Variants in ENOX1 observed in about 807,000 individuals in gnomAD.
ENOX1 encodes the protein ecto-NOX disulfide-thiol exchanger 1.
ENOX1 carries 42 observed loss-of-function variants against 82.5 expected under a neutral mutation model. The ratio of observed to expected loss-of-function variants is 0.51; its 90% CI spans 0.40 to 0.66. The LOEUF is 0.66. ENOX1 is among the 30% of genes least tolerant of loss of function. ENOX1 has a pLI of 0.00. For missense variants in ENOX1, 608 were observed against 811.6 expected, an observed-to-expected ratio of 0.75 and a Z score of 3.05; for synonymous variants, 271 against 282.2, an observed-to-expected ratio of 0.96 and a Z score of 0.40.
At chr13:43,758,560 A>G (rs1246767880) in intron 1 of ENOX1, among the ~76,000 whole-genome samples, 1 of 152,218 alleles carries the variant, frequency 6.6e-6, no homozygotes, top group East Asian at 1.9e-4. Context: ...CTATGTCAGT[A>G]TCCTGACTGT....
At chr13:43,428,515 TAGTG>T (rs2055461519) in intron 3 of ENOX1, among the ~76,000 whole-genome samples, 1 of 152,206 alleles carries the variant, frequency 6.6e-6, no homozygotes, top group African/African-American at 2.4e-5. Flanking sequence ...TAGAATGCAC[TAGTG>T]AGTGAGGCGG....
intron 3 of ENOX1, chr13:43,459,528 C>T (rs1382693025): frequency 6.6e-6 from 1 of 152,092 alleles, no homozygotes; most frequent in Non-Finnish European, 1.5e-5. Context: ...TCTAACAACA[C>T]TTATTTTTAT....
intron 3 of ENOX1, among the ~76,000 whole-genome samples, chr13:43,479,728 G>A (rs974016247): frequency 6.6e-6 from 1 of 152,138 alleles, no homozygotes. Flanking sequence ...TAGAAAAAGG[G>A]GGCTACACCC....
At chr13:43,688,756 G>A (rs1453123634) in intron 1 of ENOX1, among the ~76,000 whole-genome samples, 3 of 149,406 alleles carry the variant, frequency 2.0e-5, no homozygotes, top group Non-Finnish European at 1.5e-5. Flanking sequence ...AAGGGGCACA[G>A]GAGAAGGAGC....
At chr13:43,674,864 C>T (rs983700601) in intron 1 of ENOX1, among the ~76,000 whole-genome samples, 32 of 152,134 alleles carry the variant, frequency 2.1e-4, no homozygotes, top group African/African-American at 5.8e-4. Flanking sequence ...AATCTCTGTA[C>T]ATTCCACTGA....
At chr13:43,716,972 C>G (rs1296463353) in intron 1 of ENOX1, among the ~76,000 whole-genome samples, 3 of 152,088 alleles carry the variant, frequency 2.0e-5, no homozygotes, top group Non-Finnish European at 2.9e-5. Context: ...CTGCCCAAAG[C>G]AACATACAGA....
intron 1 of ENOX1, among the ~76,000 whole-genome samples, chr13:43,706,839 C>T (rs1387534124): frequency 6.6e-6 from 1 of 151,902 alleles, no homozygotes; most frequent in East Asian, 1.9e-4. Context: ...AGGAAAATAT[C>T]CACTCCTACC....
intron 5 of ENOX1, among the ~76,000 whole-genome samples, chr13:43,410,363 C>T (rs2054047653): frequency 6.6e-6 from 1 of 152,142 alleles, no homozygotes; most frequent in East Asian, 1.9e-4. Flanking sequence ...CTGGGATAAA[C>T]ACATGTTCAA....
chr13:43,236,343 C>A (rs1393535528), intron 15 of ENOX1, among the ~76,000 whole-genome samples: 3 of 152,152 alleles, frequency 2.0e-5, no homozygotes, highest in African/African-American at 7.2e-5. Flanking sequence ...TTGGAAGTGA[C>A]ATGCCCAAGC....
rs539708208 is a variant in ENOX1, at chr13:43,460,769, G to A, written c.-75+23240C>T. Among the ~76,000 whole-genome samples the A allele has an allele frequency of 7.0e-3, 864 of 124,182 alleles. 6 individuals carry two copies. The highest frequency in any genetic ancestry group is 9.9e-3 in the Non-Finnish European group (623 of 63,184). 81.5% of individuals were successfully genotyped at this position (124,182 alleles called of 152,430 possible). ...AGATCGCACCACTGCACTCCAGCCC[G>A]GGCGACAGAGCGAGACTCCATCTCA... is the stretch of plus-strand genomic sequence containing the variant. On this transcript the variant is annotated intron_variant, in intron 3 of 16. Coordinates refer to ENST00000690772, the MANE Select transcript of ENOX1 (RefSeq NM_001347969.2).
At chr13:43,713,926 T>C (rs1371565750) in intron 1 of ENOX1, among the ~76,000 whole-genome samples, 2 of 150,800 alleles carry the variant, frequency 1.3e-5, no homozygotes, top group African/African-American at 4.9e-5. Context: ...AGTTCTGCTC[T>C]GATTTTAGTT....
At chr13:43,318,508 G>C (rs1262384179) in intron 11 of ENOX1, among the ~76,000 whole-genome samples, 1 of 152,226 alleles carries the variant, frequency 6.6e-6, no homozygotes, top group Non-Finnish European at 1.5e-5. Context: ...TGTTCGCCAT[G>C]TGACACTGAA....
chr13:43,511,991 T>C (rs149590868), intron 2 of ENOX1, among the ~76,000 whole-genome samples: 2,075 of 152,248 alleles, frequency 0.014, 40 homozygotes, highest in African/African-American at 0.046. Flanking sequence ...GGACAATATA[T>C]ATAGTATCTA....
intron 1 of ENOX1, among the ~76,000 whole-genome samples, chr13:43,669,473 GC>G (rs2085151805): frequency 6.6e-6 from 1 of 151,890 alleles, no homozygotes; most frequent in Admixed American, 6.6e-5. Context: ...CTTTCAATCT[GC>G]CCATTTTTTC....
At chr13:43,772,840 G>A (rs554053886) in intron 1 of ENOX1, among the ~76,000 whole-genome samples, 1 of 151,814 alleles carries the variant, frequency 6.6e-6, no homozygotes, top group South Asian at 2.1e-4. Flanking sequence ...ATCCTTTATG[G>A]ACTATCTTCA....
At chr13:43,297,939 T>C (rs1326603956) in intron 12 of ENOX1, among the ~76,000 whole-genome samples, 1 of 152,232 alleles carries the variant, frequency 6.6e-6, no homozygotes, top group East Asian at 1.9e-4. Flanking sequence ...AATTTACATT[T>C]ACACTAACCT....
At chr13:43,760,109 G>A (rs781327849) in intron 1 of ENOX1, among the ~76,000 whole-genome samples, 10 of 152,100 alleles carry the variant, frequency 6.6e-5, no homozygotes, top group Non-Finnish European at 1.2e-4. Flanking sequence ...CTTCCCTATA[G>A]GAATACACTG....
At position 43,454,716 on chromosome 13, in the gene ENOX1, C is replaced by T. The variant is rs138595263; in HGVS notation, c.-75+29293G>A. On this transcript the variant is annotated intron_variant, in intron 3 of 16. Transcript: ENST00000690772. Reference sequence around the variant, plus strand: ...CCAAGACAAGTAGTAAAAGAGTATGCGTTCGATGTTGTTCAACATCTTATT... The same window carrying T: ...CCAAGACAAGTAGTAAAAGAGTATGTGTTCGATGTTGTTCAACATCTTATT... Among the ~76,000 whole-genome samples, 1,033 of 152,184 alleles carry T rather than the reference C, an allele frequency of 6.8e-3. 5 individuals are homozygous for T. Among genetic ancestry groups the T allele is most frequent in the Admixed American group, 0.012 (183 of 15,286 alleles).
chr13:43,497,071 A>G (rs1309881312), intron 2 of ENOX1, among the ~76,000 whole-genome samples: 1 of 152,154 alleles, frequency 6.6e-6, no homozygotes. Context: ...TTCTTACTGT[A>G]TAGAAATAGC....
Sources: gnomAD v4.1 joint callset for allele counts (sites outside exome capture counted in the v4.1 genomes callset) on GRCh38, gnomAD v4.1.1 for gene constraint, MANE v1.5 for transcripts, NCBI Gene and HGNC (gene_info 2026-07-23, HGNC 2026-07-21) for gene names.